RUBCN: variants seen among roughly 807,000 people sequenced by gnomAD.
The protein encoded by RUBCN is rubicon autophagy regulator, also known as run domain Beclin-1-interacting and cysteine-rich domain-containing protein.
In RUBCN, 74 loss-of-function variants were observed where a neutral mutation model predicts 113.2. The observed-to-expected ratio is 0.65, with a 90% CI of 0.54 to 0.79. The LOEUF (loss-of-function observed/expected upper bound fraction) is 0.79. Among genes scored for constraint, RUBCN ranks in the 30% least tolerant of loss-of-function variants. RUBCN has a pLI of 0.00. For missense variants in RUBCN, 1,109 were observed against 1,251.7 expected, an observed-to-expected ratio of 0.89 and a Z score of 1.72; for synonymous variants, 480 against 490.0, an observed-to-expected ratio of 0.98 and a Z score of 0.27.
chr3:197,697,718 G>T (rs748784876), intron 7 of RUBCN, among the ~76,000 whole-genome samples: 3 of 152,204 alleles, frequency 2.0e-5, no homozygotes, highest in Non-Finnish European at 2.9e-5. Context: ...GCAGGAATGA[G>T]AAACTGATAT....
intron 7 of RUBCN, among the ~76,000 whole-genome samples, chr3:197,698,009 A>C (rs1236112175): frequency 6.6e-6 from 1 of 152,226 alleles, no homozygotes; most frequent in East Asian, 1.9e-4. Flanking sequence ...AGTAGTCGCC[A>C]CGATGCCTTG....
chr3:197,743,388 C>A (rs370998963), intron 1 of RUBCN, among the ~76,000 whole-genome samples: 60 of 152,286 alleles, frequency 3.9e-4, no homozygotes, highest in African/African-American at 1.4e-3. Context: ...CTGCGGTATC[C>A]CCAGCCTCTA....
chr3:197,696,943 C>A lies in RUBCN; in HGVS notation c.1357+11G>T. 1.3e-6 allele frequency: 2 copies of A among 1,484,018 alleles called. No individual in the cohort carries two copies. Among genetic ancestry groups the A allele is most frequent in the South Asian group, 1.1e-5 (1 of 88,492 alleles). 91.9% of individuals were successfully genotyped at this position (1,484,018 alleles called of 1,614,324 possible). ...ATATACAATTTTAGCCCTGGCCTTC[C>A]TAGTACTCACCATATTCCATGTACA... On this transcript the variant is annotated intron_variant, in intron 8 of 19. Coordinates refer to ENST00000296343, the MANE Select transcript of RUBCN (RefSeq NM_014687.4).
At chr3:197,737,032 C>T (rs1249685711), upstream of RUBCN, 1 of 915,984 alleles carries the variant, frequency 1.1e-6, no homozygotes, top group African/African-American at 1.8e-5. Context: ...AGGCCGCTCC[C>T]GCAAGCCGCG....
Position 197,704,681 on chromosome 3 carries a change from G to A in RUBCN, c.324C>T (p.Asn108=), listed in dbSNP as rs1393526467. 9.3e-6 allele frequency: 15 copies of A among 1,613,916 alleles called. No homozygotes were observed. The highest frequency in any genetic ancestry group is 6.7e-5 in the Admixed American group (4 of 60,004). Residue 108 remains asparagine (N), a synonymous_variant, in exon 4 of 20, where the codon AAC becomes AAT. Coordinates refer to ENST00000296343, the MANE Select transcript of RUBCN (RefSeq NM_014687.4). ...TGGCACCATCAGCACTGCTCTGGTC[G>A]TTCTCGTGCACGCTGATGAACTGGG... ...HVEKFISVHE[N]DQSSADGASE...
rs931172376 is a variant in RUBCN, at chr3:197,681,995, A to T, written c.2127-96T>A. 12 of 934,118 alleles carry T rather than the reference A, an allele frequency of 1.3e-5. No individual in the cohort carries two copies. Among genetic ancestry groups the T allele is most frequent in the Non-Finnish European group, 1.7e-5 (10 of 571,996 alleles). The allele number at this position is 934,118 out of a possible 1,614,324, so 57.9% of individuals were successfully genotyped here. A position where few individuals can be genotyped will look rare whatever the true frequency, so the allele number is the denominator to read the frequency against. On this transcript the variant is annotated intron_variant, in intron 14 of 19. Coordinates refer to ENST00000296343, the MANE Select transcript of RUBCN (RefSeq NM_014687.4). This position sits in a 1 kb window ranked among gnomAD's most constrained non-coding sequence, Gnocchi z 5.5. The stretch of plus-strand genomic sequence containing the variant: ...GCACACATACATACAGCTCCAGTTA[A>T]GTATGGGAAGAGAGGGGAATTCACC...
At chr3:197,746,430 A>C (rs1728748822) in intron 1 of RUBCN, among the ~76,000 whole-genome samples, 1 of 152,210 alleles carries the variant, frequency 6.6e-6, no homozygotes, top group South Asian at 2.1e-4. Context: ...GAAAAAGCAG[A>C]AGTTACAACT....
Position 197,674,927 on chromosome 3 carries a change from A to AAT in RUBCN, c.*90_*91insAT. ...GATAATTAAAAAAAAAAAAAAAAAA[A>AAT]GAAGCCCCAGGTGGGGCGAGTCCTT... On this transcript the variant is annotated 3_prime_UTR_variant, in exon 20 of 20. Coordinates refer to ENST00000296343, the MANE Select transcript of RUBCN (RefSeq NM_014687.4). 1 of 1,006,060 alleles carries AAT rather than the reference A, an allele frequency of 9.9e-7. No individual in the cohort carries two copies. Among genetic ancestry groups the AAT allele is most frequent in the South Asian group, 2.0e-5 (1 of 50,716 alleles). The allele number at this position is 1,006,060 out of a possible 1,614,324, so 62.3% of individuals were successfully genotyped here. A position where few individuals can be genotyped will look rare whatever the true frequency, so the allele number is the denominator to read the frequency against.
Position 197,681,919 on chromosome 3 carries a change from G to C in RUBCN, c.2127-20C>G. 1 of 1,607,230 alleles carries C rather than the reference G, an allele frequency of 6.2e-7. No individual in the cohort carries two copies. The highest frequency in any genetic ancestry group is 8.5e-7 in the Non-Finnish European group (1 of 1,173,926). ...TTCCTCCTGAGGAAGGGTAAGGACA[G>C]GGCATTGGCACAGAGCAGCTGCGTG... is the stretch of plus-strand genomic sequence containing the variant. On this transcript the variant is annotated intron_variant, in intron 14 of 19. Transcript: ENST00000296343. This position sits in a 1 kb window ranked among gnomAD's most constrained non-coding sequence, Gnocchi z 5.5.
intron 1 of RUBCN, among the ~76,000 whole-genome samples, chr3:197,745,763 G>A (rs534064626): frequency 2.4e-4 from 37 of 152,002 alleles, no homozygotes; most frequent in East Asian, 9.7e-4. Context: ...TGAGCTGGGC[G>A]CGGTGGCTCA....
intron 7 of RUBCN, among the ~76,000 whole-genome samples, chr3:197,697,938 A>G (rs1723194394): frequency 6.6e-6 from 1 of 152,200 alleles, no homozygotes; most frequent in Non-Finnish European, 1.5e-5. Flanking sequence ...CTTGGGCCTC[A>G]AAGACTTCTG....
Position 197,698,829 on chromosome 3 carries a change from C to CAAAAA in RUBCN, c.1261+1779_1262-1781dup, listed in dbSNP as rs113975138. ...GCAATGCGGTGAAACCCTGTCTCTA[C>CAAAAA]AAAAAAAAAAAAAAAAAAAAAGTAA... On this transcript the variant is annotated intron_variant, in intron 7 of 19. Transcript: ENST00000296343. Among the ~76,000 whole-genome samples the CAAAAA allele has an allele frequency of 2.6e-4, 8 of 31,016 alleles. No individual in the cohort carries two copies. The East Asian group carries it at 3.5e-3, about 14-fold the overall frequency. The allele number at this position is 31,016 out of a possible 152,430, so 20.3% of individuals were successfully genotyped here.
chr3:197,747,510 T>G (rs149282061), intron 1 of RUBCN, among the ~76,000 whole-genome samples: 1 of 152,106 alleles, frequency 6.6e-6, no homozygotes, highest in African/African-American at 2.4e-5. Context: ...CGTGAGCCAC[T>G]GCACCAGGTC....
At chr3:197,746,792 C>T (rs1043903636) in intron 1 of RUBCN, among the ~76,000 whole-genome samples, 1 of 152,120 alleles carries the variant, frequency 6.6e-6, no homozygotes, top group Non-Finnish European at 1.5e-5. Flanking sequence ...TTGACTTAGG[C>T]GAAGCTGTGG....
upstream of RUBCN, among the ~76,000 whole-genome samples, chr3:197,739,102 G>C (rs1056535051): frequency 6.7e-6 from 1 of 150,052 alleles, no homozygotes; most frequent in Non-Finnish European, 1.5e-5. Context: ...CACCACGCCC[G>C]GCTAATTTTG....
In RUBCN at chr3:197,683,309, T is replaced by C. The variant is rs376686346; in HGVS notation, c.1978A>G (p.Lys660Glu). ...AGGAAGAAGAGCTAAGGACCTACCTTCTGAGGGGCATCATGCTCCGGGACA... is the reference window on the plus strand; with the variant it reads ...AGGAAGAAGAGCTAAGGACCTACCTCCTGAGGGGCATCATGCTCCGGGACA... ...WLVPEHDAPQKLLPIPDSLPI... is the reference protein window; with the variant it reads ...WLVPEHDAPQELLPIPDSLPI... The change falls in exon 13 of 20, where the codon AAG (lysine) becomes GAG (glutamate). Residue 660 changes from lysine (K) to glutamate (E), a missense_variant and splice_region_variant. Coordinates refer to ENST00000296343, the MANE Select transcript of RUBCN (RefSeq NM_014687.4). This position sits in a 1 kb window ranked among gnomAD's most constrained non-coding sequence, Gnocchi z 4.6. 91 of 1,613,868 alleles carry C rather than the reference T, an allele frequency of 5.6e-5. No homozygotes were observed. The highest frequency in any genetic ancestry group is 8.3e-5 in the Admixed American group (5 of 59,988).
intron 5 of RUBCN, among the ~76,000 whole-genome samples, chr3:197,702,668 C>G (rs922686517): frequency 6.6e-6 from 1 of 151,966 alleles, no homozygotes; most frequent in East Asian, 1.9e-4. Flanking sequence ...GACTCTGTCT[C>G]AAAATAATAA....
chr3:197,678,258 T>A (rs149271775), intron 16 of RUBCN, among the ~76,000 whole-genome samples: 76 of 151,458 alleles, frequency 5.0e-4, no homozygotes, highest in African/African-American at 1.8e-3. Flanking sequence ...TCCCACACTC[T>A]GACTGACAAC....
chr3:197,731,310 G>A (rs1479392559), intron 1 of RUBCN, among the ~76,000 whole-genome samples: 2 of 152,098 alleles, frequency 1.3e-5, no homozygotes, highest in Non-Finnish European at 2.9e-5. Context: ...CAGGGTTGGG[G>A]GTAACGTCAC....
Sources: gnomAD v4.1 joint callset for allele counts (sites outside exome capture counted in the v4.1 genomes callset) on GRCh38, gnomAD v4.1.1 for gene constraint, Gnocchi (gnomAD v3.1) non-coding constraint, MANE v1.5 for transcripts, NCBI Gene and HGNC (gene_info 2026-07-23, HGNC 2026-07-21) for gene names.